EEIG1: variants seen among roughly 807,000 people sequenced by gnomAD.
EEIG1 encodes early estrogen-induced gene 1 protein.
chr9:127,969,841 C>A, the EEIG1 span, among the ~76,000 whole-genome samples: 1 of 152,118 alleles, frequency 6.6e-6, no homozygotes, highest in African/African-American at 2.4e-5. Flanking sequence ...TCCAGGCTTC[C>A]GGGCACCCAA....
the EEIG1 span, among the ~76,000 whole-genome samples, chr9:127,964,873 G>A: frequency 2.6e-5 from 4 of 151,938 alleles, no homozygotes; most frequent in South Asian, 2.1e-4. Context: ...AGGCTGAGGC[G>A]GGTGGATCAC....
At chr9:127,946,606 G>T in the EEIG1 span, among the ~76,000 whole-genome samples, 35 of 152,314 alleles carry the variant, frequency 2.3e-4, no homozygotes, top group African/African-American at 8.2e-4. Context: ...TACTTCACAC[G>T]AAGGCACCAC....
At chr9:127,980,029 G>A in the EEIG1 span, 1 of 1,613,658 alleles carries the variant, frequency 6.2e-7, no homozygotes, top group South Asian at 1.1e-5. Flanking sequence ...CCATCCAGCA[G>A]CCGGACCTTG....
the EEIG1 span, among the ~76,000 whole-genome samples, chr9:127,972,003 C>T: frequency 0.03 from 4,544 of 152,168 alleles, 100 homozygotes; most frequent in South Asian, 0.071. The surrounding 1 kb of genome is among the most constrained non-coding windows in gnomAD (Gnocchi z 4.3). Flanking sequence ...ACTGAGCGGC[C>T]GCTGTCTCTC....
the EEIG1 span, among the ~76,000 whole-genome samples, chr9:127,947,402 C>T: frequency 6.6e-6 from 1 of 152,054 alleles, no homozygotes; most frequent in Non-Finnish European, 1.5e-5. Flanking sequence ...CGCCACTGCA[C>T]TCCAGCCTAG....
the EEIG1 span, chr9:127,944,843 C>T: frequency 1.9e-6 from 3 of 1,612,578 alleles, no homozygotes; most frequent in South Asian, 2.2e-5. Context: ...GCATCCGCAT[C>T]GATCCGCGTG....
At chr9:127,949,356 G>A in the EEIG1 span, among the ~76,000 whole-genome samples, 1 of 151,704 alleles carries the variant, frequency 6.6e-6, no homozygotes, top group African/African-American at 2.4e-5. Flanking sequence ...CTAGGTTGAG[G>A]CTTTCTATGG....
chr9:127,951,129 G>A, the EEIG1 span, among the ~76,000 whole-genome samples: 5 of 152,166 alleles, frequency 3.3e-5, no homozygotes, highest in Admixed American at 6.5e-5. Flanking sequence ...GAGTAAGTGC[G>A]AAGAGGGCAT....
At chr9:127,975,509 TAC>T in the EEIG1 span, among the ~76,000 whole-genome samples, 2 of 152,068 alleles carry the variant, frequency 1.3e-5, no homozygotes, top group African/African-American at 4.8e-5. Context: ...GCCTCCTTCA[TAC>T]AGAGAGTTAC....
chr9:127,945,695 G>A, the EEIG1 span: 1 of 1,593,088 alleles, frequency 6.3e-7, no homozygotes, highest in Non-Finnish European at 8.5e-7. The surrounding 1 kb of genome is among the most constrained non-coding windows in gnomAD (Gnocchi z 6.5). Context: ...TGCGGGAGTG[G>A]CCAGAGTGGA....
the EEIG1 span, chr9:127,943,391 C>T: frequency 4.4e-6 from 3 of 689,410 alleles, no homozygotes; most frequent in Non-Finnish European, 7.8e-6. Context: ...GATGGTAAGT[C>T]CCTTGCCCAC....
the EEIG1 span, among the ~76,000 whole-genome samples, chr9:127,959,849 TA>T: frequency 6.6e-6 from 1 of 152,208 alleles, no homozygotes; most frequent in Non-Finnish European, 1.5e-5. Flanking sequence ...GAGAACAGAC[TA>T]ATACAGGGGA....
chr9:127,948,121 G>A, the EEIG1 span: 2 of 1,613,464 alleles, frequency 1.2e-6, no homozygotes, highest in East Asian at 2.2e-5. Flanking sequence ...CCCAGTCAGG[G>A]AGTTGGTGCT....
chr9:127,947,237 G>A, the EEIG1 span, among the ~76,000 whole-genome samples: 1 of 147,688 alleles, frequency 6.8e-6, no homozygotes. Flanking sequence ...GGCTGATATG[G>A]TGAAATCCAG....
At chr9:127,963,204 G>A in the EEIG1 span, among the ~76,000 whole-genome samples, 1 of 152,238 alleles carries the variant, frequency 6.6e-6, no homozygotes, top group African/African-American at 2.4e-5. Context: ...AATGAGAAAA[G>A]GGTATGGGTT....
chr9:127,955,717 T>A, the EEIG1 span, among the ~76,000 whole-genome samples: 1 of 152,230 alleles, frequency 6.6e-6, no homozygotes, highest in Non-Finnish European at 1.5e-5. Context: ...ACAGCATGAA[T>A]GAGGGAGTCC....
chr9:127,955,123 C>T, the EEIG1 span, among the ~76,000 whole-genome samples: 1 of 152,204 alleles, frequency 6.6e-6, no homozygotes, highest in African/African-American at 2.4e-5. Flanking sequence ...TCCAGCTCAT[C>T]CCACCTAAGC....
At chr9:127,961,444 G>C in the EEIG1 span, among the ~76,000 whole-genome samples, 1 of 152,198 alleles carries the variant, frequency 6.6e-6, no homozygotes, top group South Asian at 2.1e-4. Context: ...GCCAGGTCAG[G>C]ACTGAGGACA....
chr9:127,975,375 AAAG>A, the EEIG1 span, among the ~76,000 whole-genome samples: 1 of 152,228 alleles, frequency 6.6e-6, no homozygotes. Context: ...CAAGCCTACC[AAAG>A]AAGAAAGGCC....
Sources: gnomAD v4.1 joint callset for allele counts (sites outside exome capture counted in the v4.1 genomes callset) on GRCh38, gnomAD v4.1.1 for gene constraint, Gnocchi (gnomAD v3.1) non-coding constraint, MANE v1.5 for transcripts, NCBI Gene and HGNC (gene_info 2026-07-23, HGNC 2026-07-21) for gene names.